Variants in PPP1CC observed in about 807,000 individuals in gnomAD.
PPP1CC encodes the protein protein phosphatase 1 catalytic subunit gamma, also known as serine/threonine-protein phosphatase PP1-gamma catalytic subunit.
A neutral mutation model predicts 38.4 loss-of-function variants in PPP1CC; 16 were observed. The ratio of observed to expected loss-of-function variants is 0.42; its 90% CI spans 0.28 to 0.63. The LOEUF is 0.63. Ranked by LOEUF, PPP1CC falls within the 30% of genes least tolerant of loss-of-function variation. The probability of loss-of-function intolerance (pLI) is 0.25; values close to 1 mark genes in which losing one functional copy is unlikely to be tolerated. For missense variants in PPP1CC, 170 were observed against 391.3 expected (o/e 0.43, Z 4.77); for synonymous variants, 158 against 136.0 (o/e 1.16, Z -1.13).
At chr12:110,725,265 C>T (rs1329013114) in intron 3 of PPP1CC, 1 of 152,480 alleles carries the variant, frequency 6.6e-6, no homozygotes, top group East Asian at 1.9e-4. Context: ...TCTGCTCTGT[C>T]CAATCTCACC....
rs879150077 is a variant in PPP1CC, at chr12:110,720,488, C to T, written c.*588G>A. ...AAGTATACGGTCGGGGAAAAGTGTG[C>T]TTTAATTAAATATACATCATACCAG... On this transcript the variant is annotated 3_prime_UTR_variant, in exon 7 of 7. Coordinates refer to ENST00000335007, the MANE Select transcript of PPP1CC (RefSeq NM_002710.4). 1.4e-5 allele frequency: 5 copies of T among 357,196 alleles called. No homozygotes were observed. The South Asian group carries it at 2.1e-4, about 15-fold the overall frequency. The allele number at this position is 357,196 out of a possible 1,614,324, so 22.1% of individuals were successfully genotyped here. A position where few individuals can be genotyped will look rare whatever the true frequency, so the allele number is the denominator to read the frequency against.
At chr12:110,739,380 A>G (rs1257705764) in intron 1 of PPP1CC, among the ~76,000 whole-genome samples, 1 of 149,956 alleles carries the variant, frequency 6.7e-6, no homozygotes, top group African/African-American at 2.4e-5. Flanking sequence ...TTTTTTGGTT[A>G]GCATATTAAG....
chr12:110,736,075 A>G (rs2069941191), intron 1 of PPP1CC, among the ~76,000 whole-genome samples: 1 of 151,212 alleles, frequency 6.6e-6, no homozygotes, highest in African/African-American at 2.4e-5. Context: ...AAACAAACAA[A>G]CAAACAAACA....
In PPP1CC at chr12:110,722,605, A is replaced by G; in HGVS notation, c.614T>C (p.Leu205Ser). 6.2e-7 allele frequency: 1 copy of G among 1,614,214 alleles called. No individual in the cohort carries two copies. The highest frequency in any genetic ancestry group is 8.5e-7 in the Non-Finnish European group (1 of 1,180,040). ...VPDQGLLCDL[L>S]WSDPDKDVLG... Reference sequence around the variant, plus strand: ...GACATCTTTATCGGGGTCAGACCACAAAAGATCACAAAGAAGACCTTGATC... The same window carrying G: ...GACATCTTTATCGGGGTCAGACCACGAAAGATCACAAAGAAGACCTTGATC... The change falls in exon 5 of 7, where the codon TTG becomes TCG. Residue 205 changes from leucine to serine, a missense_variant. Coordinates refer to ENST00000335007, the MANE Select transcript of PPP1CC (RefSeq NM_002710.4). This position sits in a 1 kb window ranked among gnomAD's most constrained non-coding sequence, Gnocchi z 5.4.
At position 110,730,740 on chromosome 12, in the gene PPP1CC, G is replaced by A. The variant is rs2069862426; in HGVS notation, c.207C>T (p.Tyr69=). 1 of 1,612,290 alleles carries A rather than the reference G, an allele frequency of 6.2e-7. No homozygotes were observed. The highest frequency in any genetic ancestry group is 8.5e-7 in the Non-Finnish European group (1 of 1,179,494). ...LKICGDIHGQ[Y]YDLLRLFEYG... ...ACTCAAAAAGTCGCAGCAAATCATA[G>A]TATTGTCCATGGATGTCACCTGGAA... The change falls in exon 3 of 7, where the codon TAC becomes TAT. Residue 69 remains tyrosine (Y), a synonymous_variant. Transcript: ENST00000335007.
chr12:110,734,312 G>A (rs1252040411), intron 1 of PPP1CC, among the ~76,000 whole-genome samples: 1 of 152,140 alleles, frequency 6.6e-6, no homozygotes, highest in Non-Finnish European at 1.5e-5. Flanking sequence ...GTGTTGACTG[G>A]TGGCATTAGA....
Position 110,742,877 on chromosome 12 carries a change from T to A in PPP1CC, c.-170A>T. ...CCCTACTTCCTCCTTCTCTCCCCAC[T>A]GGAACCACGAGAAGAACAAAATGGC... On this transcript the variant is annotated 5_prime_UTR_variant, in exon 1 of 7. Transcript: ENST00000335007. The A allele has an allele frequency of 2.3e-6, 1 of 429,916 alleles. No individual in the cohort carries two copies. The highest frequency in any genetic ancestry group is 4.0e-6 in the Non-Finnish European group (1 of 249,460). The allele number at this position is 429,916 out of a possible 1,614,324, so 26.6% of individuals were successfully genotyped here. A position where few individuals can be genotyped will look rare whatever the true frequency, so the allele number is the denominator to read the frequency against.
chr12:110,737,752 C>A (rs2339525), intron 1 of PPP1CC, among the ~76,000 whole-genome samples: 29,893 of 151,144 alleles, frequency 0.2, 3,310 homozygotes, highest in Admixed American at 0.29. Flanking sequence ...AAAGAACAGC[C>A]TAGGCAACAC....
Position 110,719,926 on chromosome 12 carries a change from T to A in PPP1CC, c.*1150A>T. 1 of 507,384 alleles carries A rather than the reference T, an allele frequency of 2.0e-6. No individual in the cohort carries two copies. Among genetic ancestry groups the A allele is most frequent in the Non-Finnish European group, 3.5e-6 (1 of 288,468 alleles). 31.4% of individuals were successfully genotyped at this position (507,384 alleles called of 1,614,324 possible). ...AAGATTTAACAAGTTCATCATTTAA[T>A]AAGTCTGAATTCATTTTCACCACAC... On this transcript the variant is annotated 3_prime_UTR_variant, in exon 7 of 7. Coordinates refer to ENST00000335007, the MANE Select transcript of PPP1CC (RefSeq NM_002710.4).
At chr12:110,721,267 C>A (rs2069736036) in intron 6 of PPP1CC, 102 bp from the exon 7 acceptor site, 1 of 932,736 alleles carries the variant, frequency 1.1e-6, no homozygotes, top group South Asian at 1.5e-5. Context: ...GTGTTCACAA[C>A]TGCCCCAACA....
intron 3 of PPP1CC, among the ~76,000 whole-genome samples, chr12:110,729,074 C>T (rs1459189483): frequency 6.6e-6 from 1 of 152,034 alleles, no homozygotes; most frequent in Admixed American, 6.6e-5. Context: ...TTAACCACCT[C>T]TTCACTCCAA....
At chr12:110,726,655 C>A (rs1324511209) in intron 3 of PPP1CC, 1 of 152,192 alleles carries the variant, frequency 6.6e-6, no homozygotes, top group African/African-American at 2.4e-5. Context: ...GGATGAGTAT[C>A]CTTAATCCAA....
intron 1 of PPP1CC, among the ~76,000 whole-genome samples, chr12:110,733,917 A>C (rs1383912113): frequency 5.3e-5 from 8 of 152,258 alleles, no homozygotes; most frequent in African/African-American, 1.9e-4. Flanking sequence ...ATTAGCAGAA[A>C]GAAAAAAGTT....
intron 4 of PPP1CC, 44 bp downstream of exon 4, chr12:110,724,616 G>T: frequency 1.8e-6 from 2 of 1,121,486 alleles, no homozygotes; most frequent in African/African-American, 1.5e-5. Flanking sequence ...TTCACCCTTT[G>T]GAAGGGATCA....
At chr12:110,717,014 C>T (rs2069692755), downstream of PPP1CC, among the ~76,000 whole-genome samples, 1 of 152,244 alleles carries the variant, frequency 6.6e-6, no homozygotes, top group South Asian at 2.1e-4. Flanking sequence ...AAAGTGACTT[C>T]TGCCTGTGCC....
chr12:110,733,767 C>A (rs943577954), intron 1 of PPP1CC, among the ~76,000 whole-genome samples: 2 of 152,188 alleles, frequency 1.3e-5, no homozygotes, highest in African/African-American at 4.8e-5. Context: ...GCATGAGCCA[C>A]TGCACCTGGC....
Position 110,720,183 on chromosome 12 carries a change from G to A in PPP1CC, c.*893C>T, listed in dbSNP as rs1332595252. ...TCTATAATTTGAAGCTTTCTGAATG[G>A]ACGGGTTCAGGCCTGATGCAACTGT... On this transcript the variant is annotated 3_prime_UTR_variant, in exon 7 of 7. Coordinates refer to ENST00000335007, the MANE Select transcript of PPP1CC (RefSeq NM_002710.4). 6.4e-7 allele frequency: 1 copy of A among 1,554,098 alleles called. No homozygotes were observed. The highest frequency in any genetic ancestry group is 8.7e-7 in the Non-Finnish European group (1 of 1,155,512).
chr12:110,737,477 C>CAAAAA (rs71083137), intron 1 of PPP1CC, among the ~76,000 whole-genome samples: 1,065 of 41,098 alleles, frequency 0.026, 17 homozygotes, highest in African/African-American at 0.051. Context: ...AAGAAAGACT[C>CAAAAA]AAAAAAAAAA....
intron 3 of PPP1CC, chr12:110,726,197 T>G (rs1309374410): frequency 1.3e-5 from 2 of 152,284 alleles, no homozygotes; most frequent in Non-Finnish European, 2.9e-5. Context: ...GCAACTGACC[T>G]GAACCACACC....
Sources: gnomAD v4.1 joint callset for allele counts (sites outside exome capture counted in the v4.1 genomes callset) on GRCh38, gnomAD v4.1.1 for gene constraint, Gnocchi (gnomAD v3.1) non-coding constraint, MANE v1.5 for transcripts, NCBI Gene and HGNC (gene_info 2026-07-23, HGNC 2026-07-21) for gene names.